The following FHIP2A variants were observed in gnomAD, a reference collection of about 807,000 sequenced individuals.
The protein encoded by FHIP2A is FHF complex subunit HOOK interacting protein 2A.
In FHIP2A, 46 loss-of-function variants were observed where a neutral mutation model predicts 93.5. That is an observed-to-expected ratio of 0.49 (90% CI 0.39 to 0.63). The LOEUF is 0.63. Among genes scored for constraint, FHIP2A ranks in the 20% least tolerant of loss-of-function variants. The pLI is 0.00. For synonymous variants in FHIP2A, 332 were observed against 326.5 expected (o/e 1.02, Z -0.18); for missense variants, 769 against 909.7 (o/e 0.85, Z 1.99).
chr10:114,858,600 C>G (rs1467449644), intron 14 of FHIP2A, among the ~76,000 whole-genome samples: 1 of 139,710 alleles, frequency 7.2e-6, no homozygotes, highest in South Asian at 2.2e-4. Context: ...TTTTTTTTTA[C>G]TAAATGCATT....
At chr10:114,839,435 AG>A (rs1359840692) in intron 5 of FHIP2A, among the ~76,000 whole-genome samples, 1 of 152,164 alleles carries the variant, frequency 6.6e-6, no homozygotes, top group African/African-American at 2.4e-5. Context: ...CCAGAAATGC[AG>A]TTTTATTACT....
chr10:114,866,912 T>C (rs1315455062), downstream of FHIP2A, among the ~76,000 whole-genome samples: 1 of 152,204 alleles, frequency 6.6e-6, no homozygotes, highest in Non-Finnish European at 1.5e-5. Flanking sequence ...TCTCAGAAGT[T>C]ATAACCAGAA....
intron 1 of FHIP2A, among the ~76,000 whole-genome samples, chr10:114,823,262 A>G (rs2083550070): frequency 6.6e-6 from 1 of 152,234 alleles, no homozygotes; most frequent in Non-Finnish European, 1.5e-5. Context: ...TAAAAAATTT[A>G]GCTCTAGGGC....
rs1566366293 is a variant in FHIP2A, at chr10:114,833,372, G to A, written c.264G>A (p.Leu88=). 1 of 1,613,904 alleles carries A rather than the reference G, an allele frequency of 6.2e-7. No homozygotes were observed. The highest frequency in any genetic ancestry group is 8.5e-7 in the Non-Finnish European group (1 of 1,179,946). The change falls in exon 3 of 17, where the codon TTG becomes TTA. Residue 88 remains leucine, a synonymous_variant. Coordinates refer to ENST00000369248, the MANE Select transcript of FHIP2A (RefSeq NM_020940.4). ...CMEYLLHHKI[L]ETLYTLGKAD... is the part of the protein sequence containing the mutation. ...AATATTTGCTTCATCACAAGATCTT[G>A]GAAACATTATATACCTTGGGGAAAG...
Position 114,862,003 on chromosome 10 carries a change from T to C in FHIP2A, c.*463T>C, listed in dbSNP as rs2083803001. The stretch of plus-strand genomic sequence containing the variant: ...TAACTTTTTAAGGTCAGAATTCTTA[T>C]CAAACAAAATATGAAAACTGTAAAT... On this transcript the variant is annotated 3_prime_UTR_variant, in exon 17 of 17. Transcript: ENST00000369248. 4.1e-6 allele frequency: 4 copies of C among 973,674 alleles called. No homozygotes were observed. Among genetic ancestry groups the C allele is most frequent in the Non-Finnish European group, 2.4e-6 (2 of 818,992 alleles). 60.3% of individuals were successfully genotyped at this position (973,674 alleles called of 1,614,324 possible).
chr10:114,895,083 A>C (rs893428635), intron 16 of FHIP2A, among the ~76,000 whole-genome samples: 2 of 152,234 alleles, frequency 1.3e-5, no homozygotes, highest in Non-Finnish European at 1.5e-5. Context: ...AGTTAATCTC[A>C]TGTGAATAGA....
chr10:114,827,815 A>AAG (rs55691594), intron 1 of FHIP2A, among the ~76,000 whole-genome samples: 10 of 150,532 alleles, frequency 6.6e-5, no homozygotes, highest in African/African-American at 2.5e-4. Context: ...AAAAAAAAAA[A>AAG]GAGTATCAAG....
chr10:114,897,998 C>T (rs895634266), intron 16 of FHIP2A, among the ~76,000 whole-genome samples: 2 of 152,060 alleles, frequency 1.3e-5, no homozygotes, highest in Non-Finnish European at 2.9e-5. Flanking sequence ...ATGGTGAACA[C>T]GTGTTCATTT....
intron 1 of FHIP2A, among the ~76,000 whole-genome samples, chr10:114,828,139 A>G (rs1006510755): frequency 6.6e-6 from 1 of 152,164 alleles, no homozygotes; most frequent in Admixed American, 6.5e-5. Flanking sequence ...TTTGAACAAG[A>G]TTATTACTAA....
At chr10:114,830,152 A>G (rs1048863995) in intron 1 of FHIP2A, among the ~76,000 whole-genome samples, 1 of 151,856 alleles carries the variant, frequency 6.6e-6, no homozygotes, top group Non-Finnish European at 1.5e-5. Flanking sequence ...GCAGCTTTTT[A>G]CTGTTTTGCA....
rs866555147 is a variant in FHIP2A at position 114,864,555 on chromosome 10, G to A, written c.*3015G>A. Reference sequence around the variant, plus strand: ...GTAGGTTACTGACAGTGTTACCAGCGTCTGGAATTCTTGGTCCCTCCGTGG... The same window carrying A: ...GTAGGTTACTGACAGTGTTACCAGCATCTGGAATTCTTGGTCCCTCCGTGG... On this transcript the variant is annotated 3_prime_UTR_variant, in exon 17 of 17. Transcript: ENST00000369248. The A allele has an allele frequency of 4.9e-5, 48 of 985,756 alleles. No individual in the cohort carries two copies. The highest frequency in any genetic ancestry group is 1.8e-4 in the Admixed American group (3 of 16,264). 61.1% of individuals were successfully genotyped at this position (985,756 alleles called of 1,614,324 possible).
rs2083527619 is a variant in FHIP2A at position 114,822,016 on chromosome 10, C to T, written c.-63C>T. ...GCCCCGGCAGCCGCAGCAGGGGCGG[C>T]GGCGGCGGATCGAGGAGCTCTCCAG... On this transcript the variant is annotated 5_prime_UTR_variant, in exon 1 of 17. Transcript: ENST00000369248. 1.3e-5 allele frequency: 14 copies of T among 1,115,362 alleles called. No homozygotes were observed. Among genetic ancestry groups the T allele is most frequent in the African/African-American group, 1.6e-5 (1 of 60,848 alleles). The allele number at this position is 1,115,362 out of a possible 1,614,324, so 69.1% of individuals were successfully genotyped here.
chr10:114,890,036 C>CTT (rs113875312), intron 16 of FHIP2A, among the ~76,000 whole-genome samples: 3 of 151,032 alleles, frequency 2.0e-5, no homozygotes, highest in African/African-American at 7.3e-5. Context: ...ATTTTCTTTT[C>CTT]TTTTTTTTTG....
At position 114,864,297 on chromosome 10, in the gene FHIP2A, T is replaced by C. The variant is rs2083817543; in HGVS notation, c.*2757T>C. On this transcript the variant is annotated 3_prime_UTR_variant, in exon 17 of 17. Transcript: ENST00000369248. Reference sequence around the variant, plus strand: ...CATTTAATTATGAAGTCCATCAGTATTGACAGAAGACGTTACAGTGAAGTG... The same window carrying C: ...CATTTAATTATGAAGTCCATCAGTACTGACAGAAGACGTTACAGTGAAGTG... The C allele has an allele frequency of 2.0e-6, 2 of 984,996 alleles. No individual in the cohort carries two copies. The highest frequency in any genetic ancestry group is 1.7e-5 in the African/African-American group (1 of 57,354). The allele number at this position is 984,996 out of a possible 1,614,324, so 61.0% of individuals were successfully genotyped here. A position where few individuals can be genotyped will look rare whatever the true frequency, so the allele number is the denominator to read the frequency against.
chr10:114,860,693 A>T, intron 14 of FHIP2A, 56 bp from the exon 15 acceptor site: 3 of 1,363,202 alleles, frequency 2.2e-6, no homozygotes, highest in Non-Finnish European at 3.1e-6. Flanking sequence ...ATAGTAAATT[A>T]AGCACACCGG....
Position 114,861,306 on chromosome 10 carries a change from T to C in FHIP2A, c.2164T>C (p.Leu722=), listed in dbSNP as rs2083797650. The change falls in exon 16 of 17, where the codon TTA becomes CTA. Residue 722 remains leucine, a synonymous_variant. Coordinates refer to ENST00000369248, the MANE Select transcript of FHIP2A (RefSeq NM_020940.4). The part of the protein sequence containing the change: ...TPKLLLVRKR[L]LGLEPEGPII... ...CAAGCTTCTGTTAGTCAGAAAGCGG[T>C]TACTTGGTTTGGAACCTGAAGGCCC... The C allele has an allele frequency of 2.5e-6, 4 of 1,614,100 alleles. No individual in the cohort carries two copies. Among genetic ancestry groups the C allele is most frequent in the Non-Finnish European group, 3.4e-6 (4 of 1,180,042 alleles).
chr10:114,884,044 G>A (rs1048906413), intron 16 of FHIP2A, among the ~76,000 whole-genome samples: 5 of 152,168 alleles, frequency 3.3e-5, no homozygotes, highest in African/African-American at 1.2e-4. Context: ...TATGTAATAT[G>A]CCAAGAATGA....
intron 11 of FHIP2A, 21 bp from the exon 12 acceptor site, chr10:114,847,069 G>C (rs2083705721): frequency 6.4e-7 from 1 of 1,573,192 alleles, no homozygotes; most frequent in Non-Finnish European, 8.7e-7. Context: ...TGCTTTTTAT[G>C]TGTCATTAAA....
intron 16 of FHIP2A, among the ~76,000 whole-genome samples, chr10:114,871,476 C>T (rs1022299044): frequency 1.3e-5 from 2 of 152,190 alleles, no homozygotes; most frequent in Admixed American, 1.3e-4. Context: ...TCCCTTTGTT[C>T]TGTCAGCCCC....
Sources: gnomAD v4.1 joint callset for allele counts (sites outside exome capture counted in the v4.1 genomes callset) on GRCh38, gnomAD v4.1.1 for gene constraint, MANE v1.5 for transcripts, NCBI Gene and HGNC (gene_info 2026-07-23, HGNC 2026-07-21) for gene names.